The following GRIK2 variants were observed in gnomAD, a reference collection of about 807,000 sequenced individuals.
The protein encoded by GRIK2 is glutamate ionotropic receptor kainate type subunit 2.
A neutral mutation model predicts 100.3 loss-of-function variants in GRIK2; 32 were observed. The observed-to-expected ratio is 0.32, with a 90% confidence interval of 0.24 to 0.43. The LOEUF (loss-of-function observed/expected upper bound fraction) is 0.43, where lower values mean the gene tolerates loss of function less well. Among genes scored for constraint, GRIK2 ranks in the 20% least tolerant of loss-of-function variants. The probability of loss-of-function intolerance (pLI) is 1.00; values close to 1 mark genes in which losing one functional copy is unlikely to be tolerated. For missense variants in GRIK2, 843 were observed against 1,114.9 expected (o/e 0.76, Z 3.47); for synonymous variants, 417 against 389.4 (o/e 1.07, Z -0.83).
intron 12 of GRIK2, among the ~76,000 whole-genome samples, chr6:101,915,384 A>C (rs1217285749): frequency 2.0e-5 from 3 of 151,440 alleles, no homozygotes; most frequent in Non-Finnish European, 4.4e-5. Context: ...TTAAGAAAGT[A>C]AAAAATTAAA....
At chr6:101,850,924 T>C (rs552783747) in intron 10 of GRIK2, among the ~76,000 whole-genome samples, 1 of 152,220 alleles carries the variant, frequency 6.6e-6, no homozygotes, top group East Asian at 1.9e-4. Context: ...GAGGTTATTA[T>C]TTATCCTTGT....
chr6:101,603,175 G>A (rs1383634675), intron 2 of GRIK2, among the ~76,000 whole-genome samples: 1 of 151,556 alleles, frequency 6.6e-6, no homozygotes, highest in African/African-American at 2.4e-5. Context: ...ATAGACCTAA[G>A]AGAGTAAATA....
At chr6:101,554,853 C>CT (rs765533652) in intron 2 of GRIK2, among the ~76,000 whole-genome samples, 36 of 129,370 alleles carry the variant, frequency 2.8e-4, no homozygotes, top group Admixed American at 6.8e-4. Context: ...GATTTAAATA[C>CT]TTTTTTTTTT....
At chr6:101,730,547 G>A (rs1395113868) in intron 7 of GRIK2, among the ~76,000 whole-genome samples, 3 of 151,846 alleles carry the variant, frequency 2.0e-5, no homozygotes, top group Non-Finnish European at 4.4e-5. Flanking sequence ...ATTGCCCAAT[G>A]GAAAAGTTAT....
intron 7 of GRIK2, among the ~76,000 whole-genome samples, chr6:101,786,320 G>A (rs1779421606): frequency 6.6e-6 from 1 of 151,740 alleles, no homozygotes; most frequent in Non-Finnish European, 1.5e-5. Flanking sequence ...CTCTGAGTAG[G>A]ACTTTCAGTA....
At chr6:102,051,281 C>CTTCCTTCG (rs1396567627) in intron 15 of GRIK2, among the ~76,000 whole-genome samples, 1 of 150,158 alleles carries the variant, frequency 6.7e-6, no homozygotes, top group Non-Finnish European at 1.5e-5. Context: ...TCCTTCCTTC[C>CTTCCTTCG]TTCCTTCCTT....
intron 4 of GRIK2, among the ~76,000 whole-genome samples, chr6:101,660,554 C>A (rs1164245175): frequency 1.3e-5 from 2 of 152,024 alleles, no homozygotes; most frequent in African/African-American, 4.8e-5. Context: ...GAAGAGACAT[C>A]CTGGTATTTG....
intron 1 of GRIK2, among the ~76,000 whole-genome samples, chr6:101,396,040 T>A (rs2852506): frequency 0.18 from 26,959 of 152,122 alleles, 2,561 homozygotes; most frequent in African/African-American, 0.2. Context: ...ATTACAGAAC[T>A]GACACAATTT....
chr6:102,059,067 A>C (rs1174485413), intron 16 of GRIK2, among the ~76,000 whole-genome samples: 1 of 151,282 alleles, frequency 6.6e-6, no homozygotes, highest in African/African-American at 2.4e-5. Context: ...GCTCTTGATA[A>C]TGATAGGCTT....
intron 7 of GRIK2, among the ~76,000 whole-genome samples, chr6:101,782,434 C>G (rs533902366): frequency 6.6e-6 from 1 of 152,284 alleles, no homozygotes; most frequent in East Asian, 1.9e-4. Flanking sequence ...TCCATAGCCC[C>G]TACACAGGAG....
intron 2 of GRIK2, among the ~76,000 whole-genome samples, chr6:101,470,891 A>G (rs1318268712): frequency 6.6e-6 from 1 of 152,196 alleles, no homozygotes; most frequent in Non-Finnish European, 1.5e-5. Context: ...ACATTTGAAA[A>G]CATTTAGTGG....
intron 14 of GRIK2, among the ~76,000 whole-genome samples, chr6:101,977,200 T>C (rs1793441261): frequency 1.3e-5 from 2 of 151,164 alleles, no homozygotes; most frequent in Admixed American, 1.3e-4. Context: ...AGGAAATAAA[T>C]AGAATGTAGT....
chr6:101,994,338 T>A (rs1266671279), intron 14 of GRIK2, among the ~76,000 whole-genome samples: 1 of 151,682 alleles, frequency 6.6e-6, no homozygotes, highest in African/African-American at 2.4e-5. Flanking sequence ...CATAGCAGTG[T>A]TCATTAAATG....
intron 15 of GRIK2, among the ~76,000 whole-genome samples, chr6:102,046,772 T>C (rs1770910570): frequency 6.6e-6 from 1 of 152,278 alleles, no homozygotes; most frequent in Admixed American, 6.5e-5. Context: ...TCTTCTCAAC[T>C]GTCCATGTAA....
chr6:101,773,537 G>C (rs1265620636), intron 7 of GRIK2, among the ~76,000 whole-genome samples: 2 of 149,788 alleles, frequency 1.3e-5, no homozygotes, highest in African/African-American at 4.9e-5. Context: ...TTCAAGTTAA[G>C]GATCTGAGGT....
At chr6:102,006,293 C>T (rs1246707637) in intron 14 of GRIK2, among the ~76,000 whole-genome samples, 1 of 144,716 alleles carries the variant, frequency 6.9e-6, no homozygotes, top group South Asian at 2.1e-4. Context: ...AGGAGGCTAT[C>T]TTTTATTTCT....
At chr6:101,824,463 T>TG (rs963744835) in intron 10 of GRIK2, among the ~76,000 whole-genome samples, 3 of 152,170 alleles carry the variant, frequency 2.0e-5, no homozygotes, top group Non-Finnish European at 2.9e-5. Flanking sequence ...AAATGCCTAC[T>TG]TTTTCCTCTA....
chr6:102,044,090 T>C (rs1360981457), intron 15 of GRIK2, among the ~76,000 whole-genome samples: 1 of 151,944 alleles, frequency 6.6e-6, no homozygotes, highest in Non-Finnish European at 1.5e-5. Context: ...AGACCTTAAT[T>C]TTATAGAAGT....
At chr6:101,762,151 CCTCTGT>C (rs369497183) in intron 7 of GRIK2, among the ~76,000 whole-genome samples, 52 of 141,626 alleles carry the variant, frequency 3.7e-4, no homozygotes, top group East Asian at 3.3e-3. Flanking sequence ...CCTTCCTCTT[CCTCTGT>C]CTCTGTCTCT....
Sources: allele counts gnomAD v4.1 joint callset (sites outside exome capture counted in the v4.1 genomes callset), GRCh38; gene constraint gnomAD v4.1.1; transcripts MANE v1.5; gene names NCBI Gene and HGNC (gene_info 2026-07-23, HGNC 2026-07-21).